The following PPP2R5C variants were observed in gnomAD, a reference collection of about 807,000 sequenced individuals.
PPP2R5C encodes protein phosphatase 2 regulatory subunit B'gamma, also known as serine/threonine-protein phosphatase 2A 56 kDa regulatory subunit gamma isoform.
A neutral mutation model predicts 68.9 loss-of-function variants in PPP2R5C; 7 were observed. The observed-to-expected ratio is 0.10, with a 90% CI of 0.06 to 0.19. The LOEUF is 0.19. Among genes scored for constraint, PPP2R5C ranks in the 10% least tolerant of loss-of-function variants. The probability of loss-of-function intolerance (pLI) is 1.00; values close to 1 mark genes in which losing one functional copy is unlikely to be tolerated. For missense variants in PPP2R5C, 348 were observed against 641.3 expected (o/e 0.54, Z 4.94); for synonymous variants, 210 against 222.2 (o/e 0.95, Z 0.49).
At chr14:101,872,617 C>T (rs1450860057) in intron 2 of PPP2R5C, among the ~76,000 whole-genome samples, 1 of 152,130 alleles carries the variant, frequency 6.6e-6, no homozygotes, top group Non-Finnish European at 1.5e-5. Flanking sequence ...CGCCTGTTGT[C>T]TTGCTTGCAT....
chr14:101,925,137 C>T lies in PPP2R5C; in HGVS notation c.1444-4C>T, dbSNP rs2141227950. The T allele has an allele frequency of 1.9e-6, 3 of 1,613,912 alleles. No individual in the cohort carries two copies. Among genetic ancestry groups the T allele is most frequent in the Non-Finnish European group, 2.5e-6 (3 of 1,179,862 alleles). ...AGCCAACGCCATTGCATTTCTAATT[C>T]CAGGCACAGAAAGATCCGAAGAAGG... On this transcript the variant is annotated splice_region_variant and splice_polypyrimidine_tract_variant and intron_variant, in intron 13 of 13. Coordinates refer to ENST00000334743, the Ensembl canonical transcript of PPP2R5C.
chr14:101,867,196 G>C (rs990970511), intron 2 of PPP2R5C, among the ~76,000 whole-genome samples: 2 of 151,550 alleles, frequency 1.3e-5, no homozygotes, highest in African/African-American at 4.9e-5. Context: ...CAGCCTGGGC[G>C]ACAGAGCGAG....
At chr14:101,771,267 T>TGTGTA (rs2037139679) in intron 2 of PPP2R5C, among the ~76,000 whole-genome samples, 3 of 84,110 alleles carry the variant, frequency 3.6e-5, no homozygotes, top group Non-Finnish European at 7.7e-5. Context: ...GTGTGTGTAT[T>TGTGTA]TTTTTGAGAC....
chr14:101,853,131 A>G (rs1275806030), intron 1 of PPP2R5C, among the ~76,000 whole-genome samples: 2 of 152,204 alleles, frequency 1.3e-5, no homozygotes, highest in African/African-American at 2.4e-5. Context: ...AAATATGTTG[A>G]TGAAGAAGTT....
intron 1 of PPP2R5C, among the ~76,000 whole-genome samples, chr14:101,844,951 C>T (rs927695169): frequency 2.6e-5 from 4 of 152,222 alleles, no homozygotes; most frequent in African/African-American, 2.4e-5. Flanking sequence ...GAAGATGAAG[C>T]GATAACGGGC....
intron 2 of PPP2R5C, among the ~76,000 whole-genome samples, chr14:101,861,987 A>T (rs1327058086): frequency 6.6e-6 from 1 of 152,186 alleles, no homozygotes; most frequent in African/African-American, 2.4e-5. Flanking sequence ...GTCATAGCCC[A>T]CTGCAGCCTC....
exon 9 of PPP2R5C, chr14:101,901,759 G>T: frequency 6.2e-7 from 1 of 1,614,032 alleles, no homozygotes; most frequent in Non-Finnish European, 8.5e-7. Flanking sequence ...AAGACTCACA[G>T]TCCAAAAGAA....
At chr14:101,785,670 TC>T (rs1219697131) in intron 2 of PPP2R5C, among the ~76,000 whole-genome samples, 1 of 152,162 alleles carries the variant, frequency 6.6e-6, no homozygotes, top group Non-Finnish European at 1.5e-5. Context: ...ATCTGCAGAG[TC>T]CCTGTCGCCA....
intron 2 of PPP2R5C, among the ~76,000 whole-genome samples, chr14:101,771,105 C>T (rs1267848928): frequency 6.6e-6 from 1 of 152,186 alleles, no homozygotes; most frequent in Non-Finnish European, 1.5e-5. Context: ...CAAATCCAAA[C>T]AGCGTTGTCA....
rs140064214 is a variant in PPP2R5C at position 101,910,838 on chromosome 14, C to T, written c.1253+1148C>T. Among the ~76,000 whole-genome samples, 3 of 152,062 alleles carry T rather than the reference C, an allele frequency of 2.0e-5. No individual in the cohort carries two copies. The East Asian group carries it at 5.8e-4, about 29-fold the overall frequency. Reference sequence around the variant, plus strand: ...AAAAAAAAGGCCGGGCATGGTGGCTCATGCCTGTAATCCCAGCACTTTGGG... The same window carrying T: ...AAAAAAAAGGCCGGGCATGGTGGCTTATGCCTGTAATCCCAGCACTTTGGG... On this transcript the variant is annotated intron_variant, in intron 11 of 13. Transcript: ENST00000334743.
At chr14:101,824,332 C>T in intron 1 of PPP2R5C, 1 of 442,770 alleles carries the variant, frequency 2.3e-6, no homozygotes, top group Non-Finnish European at 3.6e-6. Flanking sequence ...TTAGTGTAGA[C>T]ATTTGTCTAC....
Position 101,917,904 on chromosome 14 carries a change from A to T in PPP2R5C, c.1400A>T (p.Asp467Val), listed in dbSNP as rs763975829. The T allele has an allele frequency of 6.2e-7, 1 of 1,613,852 alleles. No individual in the cohort carries two copies. The highest frequency in any genetic ancestry group is 1.7e-5 in the Admixed American group (1 of 60,008). The change falls in exon 13 of 14, where the codon GAT (aspartate) becomes GTT (valine). Residue 467 changes from aspartate to valine, a missense_variant. By Grantham distance (152) the Asp-to-Val change is radical. Around this residue, in one of 4 missense-constraint regions of PPP2R5C, gnomAD observed 118 missense variants for 108.9 expected, o/e 1.08. Coordinates refer to ENST00000334743, the Ensembl canonical transcript of PPP2R5C. This position sits in a 1 kb window ranked among gnomAD's most constrained non-coding sequence, Gnocchi z 4.4. ...GAGACAGATGGGCCTTTATTTGAAG[A>T]TGTGCAGATGCTGAGAAAGACAGTG...
rs1041310688 is a variant in PPP2R5C, at chr14:101,784,425, G to A, written c.94-1593G>A. ...TGACTCACAGTTTCACCTAGCTGGG[G>A]AGGCCTCAGGAAACTTACCATCATG... On this transcript the variant is annotated intron_variant, in intron 2 of 14. Transcript: ENST00000328724. Among the ~76,000 whole-genome samples the A allele has an allele frequency of 3.3e-5, 5 of 152,118 alleles. No homozygotes were observed. The East Asian group carries it at 5.8e-4, about 18-fold the overall frequency.
At chr14:101,784,445 A>G (rs1294376555) in intron 2 of PPP2R5C, among the ~76,000 whole-genome samples, 1 of 151,006 alleles carries the variant, frequency 6.6e-6, no homozygotes, top group Non-Finnish European at 1.5e-5. Context: ...GAAACTTACC[A>G]TCATGGCAGA....
At chr14:101,922,996 G>T (rs1209353071) in intron 13 of PPP2R5C, among the ~76,000 whole-genome samples, 1 of 152,126 alleles carries the variant, frequency 6.6e-6, no homozygotes, top group Non-Finnish European at 1.5e-5. Context: ...TGAGCCTTCC[G>T]GGTCTGCCCG....
At chr14:101,892,484 C>G (rs2403012) in intron 6 of PPP2R5C, among the ~76,000 whole-genome samples, 1 of 152,016 alleles carries the variant, frequency 6.6e-6, no homozygotes, top group Non-Finnish European at 1.5e-5. Flanking sequence ...TGAGCCAGCT[C>G]CCTGCTGTTC....
rs143291713 is a variant in PPP2R5C at position 101,924,333 on chromosome 14, A to G, written c.1444-808A>G. On this transcript the variant is annotated intron_variant, in intron 13 of 13. Transcript: ENST00000334743. ...AAATTTCCTAGACTTTAGAAAGACA[A>G]TGGATTGGAGAAGAGAGTATATATT... Among the ~76,000 whole-genome samples the G allele has an allele frequency of 4.2e-3, 637 of 152,134 alleles. 5 individuals are homozygous for G. The highest frequency in any genetic ancestry group is 0.015 in the African/African-American group (617 of 41,512).
chr14:101,839,561 G>A (rs894872022), intron 1 of PPP2R5C: 18 of 152,506 alleles, frequency 1.2e-4, no homozygotes, highest in African/African-American at 4.3e-4. Context: ...CTCCGGCCCT[G>A]TGATCCCATG....
At chr14:101,761,596 G>A (rs1488952783), upstream of PPP2R5C, among the ~76,000 whole-genome samples, 1 of 132,562 alleles carries the variant, frequency 7.5e-6, no homozygotes, top group East Asian at 2.3e-4. Flanking sequence ...GGGGTGGGGC[G>A]AGCGGCGGGC....
Sources: allele counts gnomAD v4.1 joint callset (sites outside exome capture counted in the v4.1 genomes callset), GRCh38; gene constraint gnomAD v4.1.1; regional missense constraint gnomAD v4.1.1; non-coding constraint Gnocchi (gnomAD v3.1); transcripts MANE v1.5; gene names NCBI Gene and HGNC (gene_info 2026-07-23, HGNC 2026-07-21).